Variants in KCNQ3 observed in about 807,000 individuals in gnomAD.
KCNQ3 encodes potassium voltage-gated channel subfamily Q member 3, also known as potassium voltage-gated channel subfamily KQT member 3.
A neutral mutation model predicts 92.5 loss-of-function variants in KCNQ3; 30 were observed. The ratio of observed to expected loss-of-function variants is 0.32; its 90% confidence interval spans 0.24 to 0.44. The LOEUF is 0.44. Ranked by LOEUF, KCNQ3 falls within the 20% of genes least tolerant of loss-of-function variation. The pLI is 1.00. For missense variants in KCNQ3, 913 were observed against 1,140.3 expected (o/e 0.80, Z 2.87); for synonymous variants, 450 against 468.8 (o/e 0.96, Z 0.52).
chr8:132,442,415 G>C (rs965139475), intron 1 of KCNQ3, among the ~76,000 whole-genome samples: 2 of 152,150 alleles, frequency 1.3e-5, no homozygotes, highest in African/African-American at 4.8e-5. Context: ...ATCAATGTCT[G>C]TCTCCCCCAC....
chr8:132,262,886 T>C (rs1815836574), intron 1 of KCNQ3, among the ~76,000 whole-genome samples: 1 of 152,206 alleles, frequency 6.6e-6, no homozygotes, highest in African/African-American at 2.4e-5. Context: ...CTATGTGACA[T>C]TGATCGGCTA....
chr8:132,342,316 CTTTTT>C (rs767961360), intron 1 of KCNQ3, among the ~76,000 whole-genome samples: 4 of 145,942 alleles, frequency 2.7e-5, no homozygotes, highest in Non-Finnish European at 4.5e-5. Flanking sequence ...TTTCTTTTTT[CTTTTT>C]TCTTTTTTTT....
chr8:132,380,766 A>G (rs1819726548), intron 1 of KCNQ3, among the ~76,000 whole-genome samples: 2 of 151,818 alleles, frequency 1.3e-5, no homozygotes, highest in African/African-American at 4.8e-5. Context: ...TATTCACGGA[A>G]TAGCCTGCCT....
chr8:132,413,212 C>T (rs528444457), intron 1 of KCNQ3, among the ~76,000 whole-genome samples: 10 of 152,364 alleles, frequency 6.6e-5, no homozygotes, highest in East Asian at 1.9e-4. Context: ...TCAGTGGCTC[C>T]CACTGGATCA....
intron 12 of KCNQ3, among the ~76,000 whole-genome samples, chr8:132,136,146 A>AAAAAAAG (rs1563765951): frequency 2.9e-5 from 4 of 137,012 alleles, no homozygotes; most frequent in Admixed American, 7.3e-5. Context: ...AAAAAAAAAA[A>AAAAAAAG]GAAAAGAGAA....
At chr8:132,259,550 T>C (rs1586873511) in intron 1 of KCNQ3, among the ~76,000 whole-genome samples, 1 of 152,162 alleles carries the variant, frequency 6.6e-6, no homozygotes, top group East Asian at 1.9e-4. Context: ...CAGTCCTTGG[T>C]AGTAAACGAC....
chr8:132,401,147 C>T (rs1820321699), intron 1 of KCNQ3, among the ~76,000 whole-genome samples: 1 of 152,260 alleles, frequency 6.6e-6, no homozygotes, highest in East Asian at 1.9e-4. Flanking sequence ...CTACTAGAAA[C>T]CAGGGCTGCA....
rs183481756 is a variant in KCNQ3, at chr8:132,422,640, G to C, written c.386+57507C>G. Among the ~76,000 whole-genome samples, 326 of 152,266 alleles carry C rather than the reference G, an allele frequency of 2.1e-3. 1 individual carries two copies. Among genetic ancestry groups the C allele is most frequent in the Middle Eastern group, 6.8e-3 (2 of 294 alleles). The stretch of plus-strand genomic sequence containing the variant: ...CAGCTGCACCCGCCCCCAGCACTGG[G>C]CCTGACTGGCTCCCCTTCCGGCAGC... On this transcript the variant is annotated intron_variant, in intron 1 of 14. Transcript: ENST00000388996.
intron 1 of KCNQ3, among the ~76,000 whole-genome samples, chr8:132,439,615 T>C (rs116582602): frequency 0.018 from 2,696 of 152,208 alleles, 74 homozygotes; most frequent in African/African-American, 0.061. Flanking sequence ...ACAAGGTTCC[T>C]TTCCAGCAGA....
intron 1 of KCNQ3, among the ~76,000 whole-genome samples, chr8:132,277,555 G>T (rs1816374553): frequency 6.6e-6 from 1 of 152,148 alleles, no homozygotes; most frequent in South Asian, 2.1e-4. Context: ...AGACCGGCTG[G>T]GGAGACAGAT....
At chr8:132,372,952 G>T in intron 1 of KCNQ3, among the ~76,000 whole-genome samples, 1 of 152,034 alleles carries the variant, frequency 6.6e-6, no homozygotes. Flanking sequence ...TTAGTAAGGA[G>T]CAGGTAGAGG....
In KCNQ3 at chr8:132,383,484, GAGA is replaced by G. The variant is rs1283764782; in HGVS notation, c.386+96660_386+96662del. On this transcript the variant is annotated intron_variant, in intron 1 of 14. Coordinates refer to ENST00000388996, the MANE Select transcript of KCNQ3 (RefSeq NM_004519.4). Reference sequence around the variant, plus strand: ...GCTGCAACAGGGGCCATGAAGCAAAGAGAAGAAGGCAGTAACTACAGGCTGGTC... The same window carrying G: ...GCTGCAACAGGGGCCATGAAGCAAAGAGAAGGCAGTAACTACAGGCTGGTC... Among the ~76,000 whole-genome samples, 3 of 152,190 alleles carry G rather than the reference GAGA, an allele frequency of 2.0e-5. No individual in the cohort carries two copies. In the East Asian group the frequency reaches 5.8e-4, roughly 29 times the overall value.
intron 3 of KCNQ3, among the ~76,000 whole-genome samples, 185 bp from the exon 4 acceptor site, chr8:132,180,514 G>C (rs1459066362): frequency 6.6e-6 from 1 of 152,216 alleles, no homozygotes; most frequent in Non-Finnish European, 1.5e-5. Flanking sequence ...TCCCATGACT[G>C]ATGAGGAAAC....
intron 1 of KCNQ3, among the ~76,000 whole-genome samples, chr8:132,287,190 A>G (rs1487644849): frequency 6.6e-6 from 1 of 152,236 alleles, no homozygotes; most frequent in Non-Finnish European, 1.5e-5. Context: ...ATTTTATAGA[A>G]TTATTTTACA....
intron 9 of KCNQ3, among the ~76,000 whole-genome samples, chr8:132,160,296 G>A (rs1005785696): frequency 2.6e-5 from 4 of 152,228 alleles, no homozygotes; most frequent in Non-Finnish European, 4.4e-5. Context: ...GAGTCCAGCT[G>A]ATGCGGAGGA....
At chr8:132,323,825 A>AAGT (rs1817962769) in intron 1 of KCNQ3, among the ~76,000 whole-genome samples, 1 of 152,080 alleles carries the variant, frequency 6.6e-6, no homozygotes, top group Non-Finnish European at 1.5e-5. Flanking sequence ...TCTCCTGCAG[A>AAGT]AGTAGTCTTA....
chr8:132,425,925 T>C (rs1325831660), intron 1 of KCNQ3, among the ~76,000 whole-genome samples: 2 of 152,258 alleles, frequency 1.3e-5, no homozygotes, highest in African/African-American at 4.8e-5. Flanking sequence ...AATATTTTGG[T>C]TCTCCCAACC....
At chr8:132,346,944 G>A (rs1818705880) in intron 1 of KCNQ3, among the ~76,000 whole-genome samples, 2 of 152,246 alleles carry the variant, frequency 1.3e-5, no homozygotes, top group African/African-American at 4.8e-5. Context: ...CTAGGCTAAA[G>A]TGGAGGGCAG....
intron 1 of KCNQ3, among the ~76,000 whole-genome samples, chr8:132,209,534 C>CAT (rs1176324693): frequency 2.4e-4 from 35 of 145,500 alleles, no homozygotes; most frequent in African/African-American, 9.0e-4. Flanking sequence ...TCACACCACA[C>CAT]ACACACACAA....
Sources: gnomAD v4.1 joint callset for allele counts (sites outside exome capture counted in the v4.1 genomes callset) on GRCh38, gnomAD v4.1.1 for gene constraint, MANE v1.5 for transcripts, NCBI Gene and HGNC (gene_info 2026-07-23, HGNC 2026-07-21) for gene names.